Variants in MAD1L1 observed in about 807,000 individuals in gnomAD.
MAD1L1 encodes the protein mitotic arrest deficient 1 like 1, also known as mitotic spindle assembly checkpoint protein MAD1.
MAD1L1 carries 95 observed loss-of-function variants against 96.9 expected under a neutral mutation model. The observed-to-expected ratio is 0.98, with a 90% confidence interval of 0.83 to 1.16. MAD1L1 has a LOEUF of 1.16. MAD1L1 is among the 50% of genes most tolerant of loss of function. The pLI, the probability that MAD1L1 is intolerant of heterozygous loss-of-function variation, is 0.00. For synonymous variants in MAD1L1, 473 were observed against 396.6 expected, an observed-to-expected ratio of 1.19 and a Z score of -2.29; for missense variants, 1,007 against 954.4, an observed-to-expected ratio of 1.06 and a Z score of -0.73.
intron 17 of MAD1L1, among the ~76,000 whole-genome samples, chr7:1,931,402 T>C (rs1789470518): frequency 6.6e-6 from 1 of 152,226 alleles, no homozygotes; most frequent in South Asian, 2.1e-4. Context: ...TTTTTAACTT[T>C]AGATTTACAT....
chr7:1,933,427 T>C (rs1242019858), intron 17 of MAD1L1, among the ~76,000 whole-genome samples: 2 of 152,164 alleles, frequency 1.3e-5, no homozygotes, highest in African/African-American at 4.8e-5. Context: ...GGGTGTGCGA[T>C]CCAGGCCCAC....
chr7:1,900,719 T>C (rs2128443453), intron 17 of MAD1L1, among the ~76,000 whole-genome samples: 1 of 152,310 alleles, frequency 6.6e-6, no homozygotes, highest in African/African-American at 2.4e-5. Context: ...CTGCCTTTGA[T>C]AGATCTCAGG....
intron 14 of MAD1L1, among the ~76,000 whole-genome samples, chr7:1,982,495 C>T (rs563499627): frequency 8.9e-4 from 135 of 152,362 alleles, no homozygotes; most frequent in African/African-American, 3.1e-3. Flanking sequence ...AGGCGTGAGC[C>T]GCCGCGCCCA....
intron 10 of MAD1L1, among the ~76,000 whole-genome samples, chr7:2,179,986 A>G (rs1791123370): frequency 6.6e-6 from 1 of 152,010 alleles, no homozygotes; most frequent in Non-Finnish European, 1.5e-5. Context: ...AAAAAAAGAA[A>G]AGAAAAGAAA....
chr7:1,852,151 G>T (rs573215115), intron 18 of MAD1L1, among the ~76,000 whole-genome samples: 2 of 152,336 alleles, frequency 1.3e-5, no homozygotes, highest in African/African-American at 4.8e-5. Context: ...GAAGCCCCAG[G>T]GAAGAAAGTG....
chr7:2,057,770 C>A (rs1784442643), intron 12 of MAD1L1, among the ~76,000 whole-genome samples: 1 of 152,200 alleles, frequency 6.6e-6, no homozygotes, highest in Non-Finnish European at 1.5e-5. Context: ...GTGACAAAGA[C>A]TCTTAGAAAA....
chr7:2,183,822 C>T (rs1401302626), intron 10 of MAD1L1, among the ~76,000 whole-genome samples: 1 of 151,958 alleles, frequency 6.6e-6, no homozygotes, highest in Non-Finnish European at 1.5e-5. Context: ...TTAATCGGTG[C>T]AGCACACCAA....
intron 15 of MAD1L1, among the ~76,000 whole-genome samples, chr7:1,961,078 C>T (rs747510830): frequency 1.3e-5 from 2 of 152,148 alleles, no homozygotes; most frequent in African/African-American, 2.4e-5. Context: ...TGACAAGCTC[C>T]GAGCACTGTG....
chr7:1,966,506 G>A (rs1487959834), intron 15 of MAD1L1, among the ~76,000 whole-genome samples: 3 of 116,142 alleles, frequency 2.6e-5, no homozygotes, highest in Non-Finnish European at 5.1e-5. Flanking sequence ...ACAGAAAAGT[G>A]AATTGCTGAA....
intron 13 of MAD1L1, among the ~76,000 whole-genome samples, chr7:2,009,454 A>C (rs1458739322): frequency 1.3e-5 from 2 of 152,190 alleles, no homozygotes; most frequent in Non-Finnish European, 2.9e-5. Flanking sequence ...ACGGAAGCTC[A>C]GGCCTCCACC....
intron 18 of MAD1L1, among the ~76,000 whole-genome samples, chr7:1,891,144 T>C (rs1176817055): frequency 1.3e-5 from 2 of 152,194 alleles, no homozygotes; most frequent in Non-Finnish European, 2.9e-5. Flanking sequence ...TGCGGGGCTA[T>C]TTCTTCTTCC....
Position 1,831,052 on chromosome 7 carries a change from C to T in MAD1L1, c.1999-14824G>A, listed in dbSNP as rs530579930. Among the ~76,000 whole-genome samples, 9 of 152,362 alleles carry T rather than the reference C, an allele frequency of 5.9e-5. No individual in the cohort carries two copies. In the South Asian group the frequency reaches 6.2e-4, roughly 11 times the overall value. ...TAAAAGTAACGTGAAGCAGATACAG[C>T]GTGCTCACAGAAGCCAATTCGCCCT... On this transcript the variant is annotated intron_variant, in intron 18 of 18. Coordinates refer to ENST00000265854, the MANE Select transcript of MAD1L1 (RefSeq NM_001013836.2).
chr7:1,970,826 T>A lies in MAD1L1; in HGVS notation c.1505+9627A>T, dbSNP rs144250305. On this transcript the variant is annotated intron_variant, in intron 15 of 18. Coordinates refer to ENST00000265854, the MANE Select transcript of MAD1L1 (RefSeq NM_001013836.2). ...CAGGCATGTGGTGGTAAGAAGTGCA[T>A]CCACTTTTATTTACTTATTGTTTTA... is the stretch of plus-strand genomic sequence containing the variant. Among the ~76,000 whole-genome samples the A allele has an allele frequency of 6.6e-5, 10 of 152,262 alleles. No individual in the cohort carries two copies. In the East Asian group the frequency reaches 1.9e-3, roughly 29 times the overall value.
In MAD1L1 at chr7:1,868,467, G is replaced by A. The variant is rs1047153392; in HGVS notation, c.1998+29733C>T. ...GCCCTCCATGTCTGTCCTCCCCAGC[G>A]AGGCCTCCCACCCACCCCACCCCAC... On this transcript the variant is annotated intron_variant, in intron 18 of 18. Coordinates refer to ENST00000265854, the MANE Select transcript of MAD1L1 (RefSeq NM_001013836.2). Among the ~76,000 whole-genome samples, 7 of 144,504 alleles carry A rather than the reference G, an allele frequency of 4.8e-5. No homozygotes were observed. The East Asian group carries it at 1.3e-3, about 27-fold the overall frequency. The allele number at this position is 144,504 out of a possible 152,430, so 94.8% of individuals were successfully genotyped here.
intron 18 of MAD1L1, among the ~76,000 whole-genome samples, chr7:1,823,827 T>C (rs56053419): frequency 0.58 from 87,594 of 152,012 alleles, 25,850 homozygotes; most frequent in Middle Eastern, 0.68. Context: ...CATGAATATT[T>C]CATGCTTGGA....
intron 10 of MAD1L1, among the ~76,000 whole-genome samples, chr7:2,192,262 T>C (rs1166391781): frequency 5.3e-5 from 8 of 151,800 alleles, no homozygotes; most frequent in Non-Finnish European, 8.8e-5. Flanking sequence ...TCCCAAGTCA[T>C]TGGGATTACA....
intron 18 of MAD1L1, among the ~76,000 whole-genome samples, chr7:1,897,101 C>G (rs908431695): frequency 6.6e-6 from 1 of 151,340 alleles, no homozygotes; most frequent in Non-Finnish European, 1.5e-5. Context: ...CGGCACGGTG[C>G]CCCCGTGCAG....
chr7:1,868,413 C>T (rs1784881700), intron 18 of MAD1L1, among the ~76,000 whole-genome samples: 1 of 152,140 alleles, frequency 6.6e-6, no homozygotes, highest in Non-Finnish European at 1.5e-5. Context: ...GCAGGCCGCG[C>T]CTCCCGGGCT....
At chr7:2,204,190 G>T (rs1040723289) in intron 10 of MAD1L1, among the ~76,000 whole-genome samples, 1 of 152,150 alleles carries the variant, frequency 6.6e-6, no homozygotes, top group Admixed American at 6.5e-5. Flanking sequence ...AAACTCAGGG[G>T]ATGGGTCCCT....
Sources: allele counts gnomAD v4.1 joint callset (sites outside exome capture counted in the v4.1 genomes callset), GRCh38; gene constraint gnomAD v4.1.1; transcripts MANE v1.5; gene names NCBI Gene and HGNC (gene_info 2026-07-23, HGNC 2026-07-21).